Variants in SLC12A7 observed in about 807,000 individuals in gnomAD.
SLC12A7 encodes the protein K-Cl cotransporter 4.
SLC12A7 carries 100 observed loss-of-function variants against 120.6 expected under a neutral mutation model. That is an observed-to-expected ratio of 0.83 (90% CI 0.71 to 0.98). The LOEUF (loss-of-function observed/expected upper bound fraction) is 0.98. SLC12A7 is among the 50% of genes least tolerant of loss of function. SLC12A7 has a pLI of 0.00. For synonymous variants in SLC12A7, 760 were observed against 678.0 expected (o/e 1.12, Z -1.88); for missense variants, 1,373 against 1,548.1 (o/e 0.89, Z 1.90).
At chr5:1,122,054 C>A in the SLC12A7 span, among the ~76,000 whole-genome samples, 3 of 152,144 alleles carry the variant, frequency 2.0e-5, no homozygotes, top group Admixed American at 1.3e-4. Flanking sequence ...GTCTCCCAGC[C>A]TCTCTGCCTT....
At chr5:1,137,846 C>T in the SLC12A7 span, among the ~76,000 whole-genome samples, 6 of 152,362 alleles carry the variant, frequency 3.9e-5, no homozygotes, top group South Asian at 1.2e-3. Flanking sequence ...GCACCAGCTC[C>T]CCGGGGCCTG....
In SLC12A7 at chr5:1,089,136, A is replaced by G; in HGVS notation, c.343-8T>C. Reference sequence around the variant, plus strand: ...GGTGCCCATGCGCGGAGCCTGCGACAGAGCATAGCGTGTCCCAGGGGCTCG... The same window carrying G: ...GGTGCCCATGCGCGGAGCCTGCGACGGAGCATAGCGTGTCCCAGGGGCTCG... On this transcript the variant is annotated splice_region_variant and splice_polypyrimidine_tract_variant and intron_variant, in intron 3 of 23. Coordinates refer to ENST00000264930, the MANE Select transcript of SLC12A7 (RefSeq NM_006598.3). The G allele has an allele frequency of 6.2e-7, 1 of 1,612,128 alleles. No homozygotes were observed. Among genetic ancestry groups the G allele is most frequent in the Non-Finnish European group, 8.5e-7 (1 of 1,179,872 alleles).
intron 22 of SLC12A7, chr5:1,056,618 G>A (rs965313966): frequency 1.0e-6 from 1 of 983,818 alleles, no homozygotes; most frequent in Non-Finnish European, 1.2e-6. Context: ...AAAAAAACAA[G>A]AGTGTGTTAC....
chr5:1,149,590 T>TAA, the SLC12A7 span, among the ~76,000 whole-genome samples: 1 of 150,094 alleles, frequency 6.7e-6, no homozygotes, highest in South Asian at 2.1e-4. Context: ...AACAAATAAA[T>TAA]TAAAAAAAAT....
intron 17 of SLC12A7, among the ~76,000 whole-genome samples, chr5:1,072,499 T>C (rs1413133488): frequency 1.0e-4 from 2 of 19,934 alleles, no homozygotes; most frequent in African/African-American, 4.1e-4. Context: ...ATCACACTTA[T>C]GCAGCCCCCA....
chr5:1,139,783 T>C, the SLC12A7 span, among the ~76,000 whole-genome samples: 1 of 152,200 alleles, frequency 6.6e-6, no homozygotes, highest in East Asian at 1.9e-4. Flanking sequence ...ATTCTGAATC[T>C]GGTTCCCGAG....
intron 20 of SLC12A7, among the ~76,000 whole-genome samples, chr5:1,062,471 G>C (rs1293884287): frequency 1.3e-5 from 2 of 152,214 alleles, no homozygotes. Flanking sequence ...AAACCATCCA[G>C]CGTCACGCAG....
rs559963983 is a variant in SLC12A7 at position 1,079,411 on chromosome 5, C to T, written c.1383G>A (p.Thr461=). The part of the protein sequence containing the change: ...IPTGTILAIV[T]TSFIYLSCIV... ...CTCCAAGGATACAGATGAAAGACGT[C>T]GTCACTATGGCCAGGATGGTCCCCG... Residue 461 remains threonine, a synonymous_variant, in exon 10 of 24, where the codon ACG becomes ACA. Coordinates refer to ENST00000264930, the MANE Select transcript of SLC12A7 (RefSeq NM_006598.3). The T allele has an allele frequency of 4.0e-5, 64 of 1,612,534 alleles. No individual in the cohort carries two copies. The highest frequency in any genetic ancestry group is 4.7e-5 in the Non-Finnish European group (55 of 1,179,682).
At chr5:1,059,097 A>G (rs930639577) in intron 21 of SLC12A7, among the ~76,000 whole-genome samples, 2 of 152,184 alleles carry the variant, frequency 1.3e-5, no homozygotes, top group African/African-American at 4.8e-5. Flanking sequence ...ACCCTGCCGG[A>G]TCTCAGGGAC....
At chr5:1,105,085 G>C (rs1256326177) in intron 1 of SLC12A7, among the ~76,000 whole-genome samples, 1 of 151,012 alleles carries the variant, frequency 6.6e-6, no homozygotes, top group African/African-American at 2.4e-5. Context: ...GCAGGGATGA[G>C]GTCCTGCAGT....
the SLC12A7 span, among the ~76,000 whole-genome samples, chr5:1,152,930 G>T: frequency 1.3e-5 from 2 of 152,232 alleles, no homozygotes; most frequent in Non-Finnish European, 2.9e-5. Flanking sequence ...CAAATGGCCC[G>T]CCTGGCATGC....
At position 1,052,144 on chromosome 5, in the gene SLC12A7, T is replaced by C; in HGVS notation, c.*216A>G. 1.7e-6 allele frequency: 1 copy of C among 580,036 alleles called. No homozygotes were observed. The allele number at this position is 580,036 out of a possible 1,614,324, so 35.9% of individuals were successfully genotyped here. A position where few individuals can be genotyped will look rare whatever the true frequency, so the allele number is the denominator to read the frequency against. ...TCTGCCCTCAGATGCAAGGAAATCGTCCAGCCACGCCCTGATTTGCTGAGC... is the reference window on the plus strand; with the variant it reads ...TCTGCCCTCAGATGCAAGGAAATCGCCCAGCCACGCCCTGATTTGCTGAGC... On this transcript the variant is annotated 3_prime_UTR_variant, in exon 24 of 24. Coordinates refer to ENST00000264930, the MANE Select transcript of SLC12A7 (RefSeq NM_006598.3).
In SLC12A7 at chr5:1,105,047, C is replaced by T. The variant is rs543717441; in HGVS notation, c.124+6821G>A. ...CCCCGAAGGAATGAGGTCCTGCAGT[C>T]ACCCACCAGCCAAAGAGGAGCCTCC... On this transcript the variant is annotated intron_variant, in intron 1 of 23. Coordinates refer to ENST00000264930, the MANE Select transcript of SLC12A7 (RefSeq NM_006598.3). Among the ~76,000 whole-genome samples, 749 of 149,794 alleles carry T rather than the reference C, an allele frequency of 5.0e-3. 8 individuals carry two copies. The highest frequency in any genetic ancestry group is 0.018 in the African/African-American group (733 of 40,474).
At chr5:1,059,086 G>A (rs1280477008) in intron 21 of SLC12A7, among the ~76,000 whole-genome samples, 1 of 152,216 alleles carries the variant, frequency 6.6e-6, no homozygotes. Context: ...ACGCCAGGGC[G>A]ACCCTGCCGG....
At chr5:1,104,015 T>C (rs2150904450) in intron 1 of SLC12A7, among the ~76,000 whole-genome samples, 1 of 152,346 alleles carries the variant, frequency 6.6e-6, no homozygotes, top group African/African-American at 2.4e-5. Context: ...CCAGCGCACC[T>C]GCCAGGCCCT....
chr5:1,134,947 T>C, the SLC12A7 span, among the ~76,000 whole-genome samples: 1 of 151,944 alleles, frequency 6.6e-6, no homozygotes, highest in Non-Finnish European at 1.5e-5. Context: ...GCCAACATGG[T>C]GAAACCCCGT....
chr5:1,106,573 G>A (rs139667822), intron 1 of SLC12A7, among the ~76,000 whole-genome samples: 8 of 152,206 alleles, frequency 5.3e-5, no homozygotes, highest in East Asian at 1.9e-4. Context: ...GGCTCCACTC[G>A]TGCCCTTCAC....
chr5:1,058,151 G>A (rs1253762167), intron 21 of SLC12A7, among the ~76,000 whole-genome samples: 4 of 152,216 alleles, frequency 2.6e-5, no homozygotes, highest in Non-Finnish European at 5.9e-5. Context: ...GCCCTGTGGG[G>A]CACCGCTGGG....
intron 21 of SLC12A7, among the ~76,000 whole-genome samples, chr5:1,058,012 C>T (rs779155614): frequency 1.6e-4 from 10 of 62,968 alleles, no homozygotes; most frequent in African/African-American, 2.3e-4. Flanking sequence ...ACGACCAGCA[C>T]GCAGGCGTCC....
Sources: gnomAD v4.1 joint callset for allele counts (sites outside exome capture counted in the v4.1 genomes callset) on GRCh38, gnomAD v4.1.1 for gene constraint, MANE v1.5 for transcripts, NCBI Gene and HGNC (gene_info 2026-07-23, HGNC 2026-07-21) for gene names.